Variants in CSMD2 observed in about 807,000 individuals in gnomAD.
CSMD2 encodes the protein CUB and Sushi multiple domains 2.
Under a neutral mutation model 398.5 loss-of-function variants are expected in CSMD2, and 130 were observed. The observed-to-expected ratio is 0.33, with a 90% CI of 0.28 to 0.38. CSMD2 has a LOEUF of 0.38. Ranked by LOEUF, CSMD2 falls within the 10% of genes least tolerant of loss-of-function variation. CSMD2 has a pLI of 1.00. For synonymous variants in CSMD2, 1,828 were observed against 1,908.5 expected, an observed-to-expected ratio of 0.96 and a Z score of 1.10; for missense variants, 3,829 against 4,764.9, an observed-to-expected ratio of 0.80 and a Z score of 5.78.
At chr1:33,692,038 G>A (rs1209043580) in intron 25 of CSMD2, among the ~76,000 whole-genome samples, 1 of 152,174 alleles carries the variant, frequency 6.6e-6, no homozygotes, top group African/African-American at 2.4e-5. Context: ...GATTCCCTGT[G>A]CAAACTTAGA....
At position 33,976,334 on chromosome 1, in the gene CSMD2, G is replaced by A. The variant is rs749673470; in HGVS notation, c.518-40380C>T. The stretch of plus-strand genomic sequence containing the variant: ...CTGATGGATCCAAAAGGGGGTGGTT[G>A]GGGATAAGGAAACAAAATCTCAGAA... On this transcript the variant is annotated intron_variant, in intron 3 of 70. Transcript: ENST00000373381. Among the ~76,000 whole-genome samples the A allele has an allele frequency of 3.3e-5, 5 of 152,182 alleles. No individual in the cohort carries two copies. In the East Asian group the frequency reaches 9.6e-4, roughly 29 times the overall value.
chr1:33,614,737 CCCCTTGAGAAT>C (rs909968125), intron 39 of CSMD2, 117 bp from the exon 40 acceptor site: 8 of 616,732 alleles, frequency 1.3e-5, no homozygotes, highest in Non-Finnish European at 2.4e-5. Flanking sequence ...AGTCATATAG[CCCCTTGAGAAT>C]CCAAAGGAAT....
At chr1:33,681,923 A>T (rs986589305) in intron 25 of CSMD2, among the ~76,000 whole-genome samples, 3 of 152,164 alleles carry the variant, frequency 2.0e-5, no homozygotes, top group African/African-American at 7.2e-5. Flanking sequence ...CTGAAATCGC[A>T]CCACTGCACT....
chr1:33,534,122 G>T (rs1469968778), intron 62 of CSMD2, among the ~76,000 whole-genome samples: 3 of 152,204 alleles, frequency 2.0e-5, no homozygotes, highest in South Asian at 2.1e-4. Context: ...GAACAAAGTT[G>T]TAATATTACA....
At chr1:33,703,289 A>G (rs1272964434) in intron 22 of CSMD2, among the ~76,000 whole-genome samples, 1 of 152,218 alleles carries the variant, frequency 6.6e-6, no homozygotes, top group Non-Finnish European at 1.5e-5. Context: ...TTTGAGAAAA[A>G]TCTATCTATG....
chr1:33,659,289 C>G (rs943747484), intron 26 of CSMD2, among the ~76,000 whole-genome samples: 1 of 152,010 alleles, frequency 6.6e-6, no homozygotes, highest in Non-Finnish European at 1.5e-5. Flanking sequence ...GAAAACACAC[C>G]GGAGGAATGG....
In CSMD2 at chr1:33,602,097, A is replaced by G. The variant is rs115314391; in HGVS notation, c.6710+272T>C. On this transcript the variant is annotated intron_variant, in intron 43 of 70. Transcript: ENST00000373381. ...AGTCTGTGTACCCACACCTACTCCCATTAACACACCCACTGGTACTTTCCC... is the reference window on the plus strand; with the variant it reads ...AGTCTGTGTACCCACACCTACTCCCGTTAACACACCCACTGGTACTTTCCC... 6.0e-3 allele frequency among the ~76,000 whole-genome samples: 918 copies of G among 152,336 alleles called. 8 individuals carry two copies. The highest frequency in any genetic ancestry group is 0.02 in the African/African-American group (843 of 41,572).
At chr1:33,976,293 T>C (rs1645960806) in intron 3 of CSMD2, among the ~76,000 whole-genome samples, 1 of 152,078 alleles carries the variant, frequency 6.6e-6, no homozygotes, top group African/African-American at 2.4e-5. Flanking sequence ...CTTGGTAAAA[T>C]GGGTTTAAAC....
intron 1 of CSMD2, among the ~76,000 whole-genome samples, chr1:34,111,323 A>G (rs974728201): frequency 3.9e-5 from 6 of 152,334 alleles, no homozygotes; most frequent in Admixed American, 3.3e-4. Context: ...CCAGCCCACA[A>G]TGAAAATCTG....
intron 1 of CSMD2, among the ~76,000 whole-genome samples, chr1:34,142,648 G>A (rs1448603128): frequency 1.3e-5 from 2 of 152,212 alleles, no homozygotes; most frequent in Non-Finnish European, 2.9e-5. Context: ...TCAGCAGCAT[G>A]GGCTTTGGAG....
intron 29 of CSMD2, among the ~76,000 whole-genome samples, chr1:33,642,295 T>G (rs1643151287): frequency 7.0e-6 from 1 of 143,126 alleles, no homozygotes; most frequent in Admixed American, 7.3e-5. Context: ...TGCAGTGAGC[T>G]GAGATTGCGC....
intron 10 of CSMD2, among the ~76,000 whole-genome samples, chr1:33,807,647 G>C (rs138587647): frequency 1.7e-3 from 255 of 152,202 alleles, no homozygotes; most frequent in Non-Finnish European, 2.6e-3. Context: ...ACACCATAGA[G>C]TATGAATTGG....
Position 33,577,334 on chromosome 1 carries a change from C to A in CSMD2, c.7538G>T (p.Gly2513Val), listed in dbSNP as rs1638343772. The A allele has an allele frequency of 6.2e-7, 1 of 1,613,618 alleles. No homozygotes were observed. Among genetic ancestry groups the A allele is most frequent in the Non-Finnish European group, 8.5e-7 (1 of 1,179,756 alleles). ...SMAICTRHPQGYHLWSEAIPL... is the reference protein window; with the variant it reads ...SMAICTRHPQVYHLWSEAIPL... ...GATGGCTTCGCTCCACAGGTGGTAG[C>A]CCTGGGGGTGCCGGGTACAGATGGC... Residue 2513 changes from glycine (G) to valine (V), a missense_variant, in exon 49 of 71, where the codon GGC (glycine) becomes GTC (valine). Physicochemically the swap from Gly to Val is moderately radical, Grantham distance 109 (BLOSUM62 -3). This residue lies in a region of CSMD2 where 723 missense variants were observed against 758.6 expected (regional missense o/e 0.95). Transcript: ENST00000373381.
At chr1:33,746,611 T>C (rs1268366500) in intron 13 of CSMD2, among the ~76,000 whole-genome samples, 1 of 152,200 alleles carries the variant, frequency 6.6e-6, no homozygotes, top group African/African-American at 2.4e-5. Flanking sequence ...TAAAATTATC[T>C]TGTTTACATG....
intron 47 of CSMD2, among the ~76,000 whole-genome samples, chr1:33,581,820 A>G (rs1466817252): frequency 6.6e-6 from 1 of 152,192 alleles, no homozygotes; most frequent in African/African-American, 2.4e-5. Context: ...CACTCTGGAA[A>G]AGGCCCTGAA....
chr1:34,054,657 G>A (rs1231774259), intron 2 of CSMD2, among the ~76,000 whole-genome samples: 3 of 152,188 alleles, frequency 2.0e-5, no homozygotes, highest in Middle Eastern at 3.4e-3. Flanking sequence ...GGAGAATGGC[G>A]TGAACCCGGG....
intron 13 of CSMD2, among the ~76,000 whole-genome samples, chr1:33,760,161 A>G (rs1649630190): frequency 6.6e-6 from 1 of 152,208 alleles, no homozygotes; most frequent in Non-Finnish European, 1.5e-5. Context: ...CCCTGTGGCC[A>G]TGACTGATTC....
chr1:34,011,870 C>A (rs1454457169), intron 3 of CSMD2, among the ~76,000 whole-genome samples: 1 of 152,158 alleles, frequency 6.6e-6, no homozygotes, highest in Admixed American at 6.5e-5. Context: ...CCTCCCTCCC[C>A]ACTCACAACC....
Position 33,519,733 on chromosome 1 carries a change from AG to A in CSMD2, c.10737-57del, listed in dbSNP as rs1299646411. 1.2e-6 allele frequency: 2 copies of A among 1,613,296 alleles called. No individual in the cohort carries two copies. The highest frequency in any genetic ancestry group is 1.3e-5 in the African/African-American group (1 of 74,938). On this transcript the variant is annotated intron_variant, in intron 69 of 70. Coordinates refer to ENST00000373381, the MANE Select transcript of CSMD2 (RefSeq NM_001281956.2). This position sits in a 1 kb window ranked among gnomAD's most constrained non-coding sequence, Gnocchi z 5.6. ...TGAAAAGAGCGACACAGAGAGGCTTAGGGGTCTGGTGCGGGGGGCCCTGGAG... is the reference window on the plus strand; with the variant it reads ...TGAAAAGAGCGACACAGAGAGGCTTAGGGTCTGGTGCGGGGGGCCCTGGAG...
Sources: allele counts gnomAD v4.1 joint callset (sites outside exome capture counted in the v4.1 genomes callset), GRCh38; gene constraint gnomAD v4.1.1; regional missense constraint gnomAD v4.1.1; non-coding constraint Gnocchi (gnomAD v3.1); transcripts MANE v1.5; gene names NCBI Gene and HGNC (gene_info 2026-07-23, HGNC 2026-07-21).